The following PTPRM variants were observed in gnomAD, a reference collection of about 807,000 sequenced individuals.
PTPRM encodes receptor-type tyrosine-protein phosphatase mu.
A neutral mutation model predicts 186.7 loss-of-function variants in PTPRM; 47 were observed. The observed-to-expected ratio is 0.25, with a 90% CI of 0.20 to 0.32. PTPRM has a LOEUF of 0.32. Among genes scored for constraint, PTPRM ranks in the 10% least tolerant of loss-of-function variants. The pLI, the probability that PTPRM is intolerant of heterozygous loss-of-function variation, is 1.00. For missense variants in PTPRM, 1,494 were observed against 1,865.0 expected (o/e 0.80, Z 3.66); for synonymous variants, 668 against 674.9 (o/e 0.99, Z 0.16).
At chr18:8,007,854 T>TC (rs200691850) in intron 7 of PTPRM, among the ~76,000 whole-genome samples, 2,349 of 152,298 alleles carry the variant, frequency 0.015, 24 homozygotes, top group Non-Finnish European at 0.018. Flanking sequence ...TGCAATTGTT[T>TC]CTGGTGGTAG....
rs59375148 is a variant in PTPRM, at chr18:7,581,656, CT to C, written c.73+13782del. ...CTTTTGTGTGTGCATGTTTCATTTA[CT>C]TTTTTTTTTTTTTTTTGAGACAAGG... On this transcript the variant is annotated intron_variant, in intron 1 of 32. Transcript: ENST00000580170. Among the ~76,000 whole-genome samples the C allele has an allele frequency of 2.8e-3, 385 of 137,216 alleles. 1 individual carries two copies. Among genetic ancestry groups the C allele is most frequent in the Middle Eastern group, 3.7e-3 (1 of 272 alleles). 90.0% of individuals were successfully genotyped at this position (137,216 alleles called of 152,430 possible).
intron 19 of PTPRM, among the ~76,000 whole-genome samples, chr18:8,267,534 T>A (rs577374652): frequency 4.6e-5 from 7 of 152,302 alleles, no homozygotes; most frequent in African/African-American, 1.4e-4. Context: ...GAGTTTCATA[T>A]CTTATTTTTA....
At chr18:8,024,049 T>C (rs1036106448) in intron 7 of PTPRM, among the ~76,000 whole-genome samples, 1 of 152,150 alleles carries the variant, frequency 6.6e-6, no homozygotes, top group Non-Finnish European at 1.5e-5. Flanking sequence ...GTTGGTGTCA[T>C]AGGTCCATAG....
chr18:8,003,284 G>A (rs1009297246), intron 7 of PTPRM, among the ~76,000 whole-genome samples: 1 of 152,150 alleles, frequency 6.6e-6, no homozygotes, highest in Non-Finnish European at 1.5e-5. Flanking sequence ...TCTTGCCTAC[G>A]GCGACATAAG....
At chr18:8,046,358 ATC>A (rs977277453) in intron 7 of PTPRM, among the ~76,000 whole-genome samples, 52 of 152,350 alleles carry the variant, frequency 3.4e-4, no homozygotes, top group African/African-American at 1.2e-3. Flanking sequence ...AGGTATATGT[ATC>A]TCTCAGTTGA....
chr18:7,693,874 T>A (rs2039786432), intron 1 of PTPRM, among the ~76,000 whole-genome samples: 2 of 130,632 alleles, frequency 1.5e-5, no homozygotes. Flanking sequence ...GTGGCACAGC[T>A]ATGAACAGGA....
intron 1 of PTPRM, among the ~76,000 whole-genome samples, chr18:7,726,694 T>C (rs1201795812): frequency 6.6e-6 from 1 of 152,214 alleles, no homozygotes; most frequent in Non-Finnish European, 1.5e-5. Flanking sequence ...TGATGTACCA[T>C]TGTGCCTTAT....
chr18:8,159,449 A>G (rs1273532755), intron 14 of PTPRM, among the ~76,000 whole-genome samples: 1 of 152,142 alleles, frequency 6.6e-6, no homozygotes, highest in African/African-American at 2.4e-5. Context: ...AAATCCCAAC[A>G]TACTATTTCT....
chr18:8,009,648 C>T (rs920622425), intron 7 of PTPRM, among the ~76,000 whole-genome samples: 1 of 152,078 alleles, frequency 6.6e-6, no homozygotes, highest in Non-Finnish European at 1.5e-5. Context: ...GCGGAGGTCG[C>T]AGTGAGCCAA....
At chr18:7,976,919 G>GT (rs377745578) in intron 7 of PTPRM, among the ~76,000 whole-genome samples, 1,617 of 137,510 alleles carry the variant, frequency 0.012, 11 homozygotes, top group South Asian at 0.038. Flanking sequence ...GAAACTTGCT[G>GT]TTTTTTTTTT....
chr18:7,687,848 G>T (rs2039640497), intron 1 of PTPRM, among the ~76,000 whole-genome samples: 1 of 151,204 alleles, frequency 6.6e-6, no homozygotes, highest in Non-Finnish European at 1.5e-5. Flanking sequence ...TGCAATCTCG[G>T]CTCACTGCAA....
chr18:8,172,981 G>A (rs2093427393), intron 14 of PTPRM, among the ~76,000 whole-genome samples: 1 of 152,064 alleles, frequency 6.6e-6, no homozygotes, highest in Non-Finnish European at 1.5e-5. Flanking sequence ...TTTTTCTTGT[G>A]CTTATTTAAG....
Position 7,715,623 on chromosome 18 carries a change from G to A in PTPRM, c.74-58526G>A, listed in dbSNP as rs143008240. Among the ~76,000 whole-genome samples, 751 of 152,066 alleles carry A rather than the reference G, an allele frequency of 4.9e-3. 7 individuals carry two copies. The highest frequency in any genetic ancestry group is 0.016 in the African/African-American group (659 of 41,526). ...TTAGAAAACCCCATCATCTCAACCC[G>A]AAATCTCCTTAAGCTGATAAGCAAC... On this transcript the variant is annotated intron_variant, in intron 1 of 32. Coordinates refer to ENST00000580170, the MANE Select transcript of PTPRM (RefSeq NM_001105244.2).
chr18:7,759,238 A>G (rs2041654736), intron 1 of PTPRM, among the ~76,000 whole-genome samples: 3 of 152,220 alleles, frequency 2.0e-5, no homozygotes, highest in Admixed American at 1.3e-4. Flanking sequence ...AGTACTAGGT[A>G]TTGTTAAAGG....
At chr18:7,992,630 G>A (rs1357015325) in intron 7 of PTPRM, among the ~76,000 whole-genome samples, 1 of 152,080 alleles carries the variant, frequency 6.6e-6, no homozygotes, top group Non-Finnish European at 1.5e-5. Flanking sequence ...TGGTAGTACG[G>A]TACAGGAAGT....
chr18:8,194,546 T>C (rs1484303062), intron 14 of PTPRM, among the ~76,000 whole-genome samples: 3 of 152,194 alleles, frequency 2.0e-5, no homozygotes, highest in African/African-American at 7.2e-5. Flanking sequence ...CCTTTATGAA[T>C]AGGAGCTCCA....
chr18:7,652,145 T>A (rs1048123325), intron 1 of PTPRM, among the ~76,000 whole-genome samples: 4 of 152,058 alleles, frequency 2.6e-5, no homozygotes, highest in Non-Finnish European at 2.9e-5. Context: ...AAAAAACACA[T>A]GAAAAAATGC....
intron 3 of PTPRM, among the ~76,000 whole-genome samples, chr18:7,890,987 G>A (rs72636712): frequency 0.1 from 15,723 of 151,974 alleles, 1,078 homozygotes; most frequent in East Asian, 0.28. Context: ...TTAAGAAAGT[G>A]GTATCTTGGC....
At chr18:8,134,478 T>C (rs2092590754) in intron 13 of PTPRM, among the ~76,000 whole-genome samples, 1 of 152,180 alleles carries the variant, frequency 6.6e-6, no homozygotes, top group East Asian at 1.9e-4. Flanking sequence ...TCCTTCTTCG[T>C]AGTCCTTCTT....
Sources: allele counts gnomAD v4.1 joint callset (sites outside exome capture counted in the v4.1 genomes callset), GRCh38; gene constraint gnomAD v4.1.1; transcripts MANE v1.5; gene names NCBI Gene and HGNC (gene_info 2026-07-23, HGNC 2026-07-21).